MAN1C1: variants seen among roughly 807,000 people sequenced by gnomAD.
MAN1C1 encodes mannosidase alpha class 1C member 1.
A neutral mutation model predicts 71.5 loss-of-function variants in MAN1C1; 49 were observed. The observed-to-expected ratio is 0.69, with a 90% CI of 0.54 to 0.87. The LOEUF is 0.87. Ranked by LOEUF, MAN1C1 falls within the 40% of genes least tolerant of loss-of-function variation. MAN1C1 has a pLI of 0.00. For missense variants in MAN1C1, 743 were observed against 835.0 expected (o/e 0.89, Z 1.36); for synonymous variants, 352 against 343.7 (o/e 1.02, Z -0.27).
At chr1:25,708,661 G>C (rs1275583244) in intron 2 of MAN1C1, among the ~76,000 whole-genome samples, 1 of 152,158 alleles carries the variant, frequency 6.6e-6, no homozygotes, top group Non-Finnish European at 1.5e-5. Context: ...GAGGCAGGCG[G>C]ATCACCTGAG....
chr1:25,642,478 C>G (rs2045551652), intron 1 of MAN1C1, among the ~76,000 whole-genome samples: 1 of 152,224 alleles, frequency 6.6e-6, no homozygotes, highest in Non-Finnish European at 1.5e-5. Flanking sequence ...TCCAGGCCAC[C>G]TCTGGCAGAG....
intron 2 of MAN1C1, among the ~76,000 whole-genome samples, chr1:25,695,555 C>T (rs1193054102): frequency 1.3e-5 from 2 of 152,146 alleles, no homozygotes; most frequent in Non-Finnish European, 2.9e-5. Context: ...GAGCAAAGCA[C>T]GCCTCGAAAT....
chr1:25,677,659 G>A (rs900374433), intron 1 of MAN1C1, among the ~76,000 whole-genome samples: 2 of 151,996 alleles, frequency 1.3e-5, no homozygotes, highest in African/African-American at 4.8e-5. Context: ...ATTAGTGTCT[G>A]TGTCCTGGCC....
intron 2 of MAN1C1, among the ~76,000 whole-genome samples, chr1:25,715,975 C>A (rs558728907): frequency 6.6e-6 from 1 of 152,324 alleles, no homozygotes; most frequent in African/African-American, 2.4e-5. Flanking sequence ...CTGGCTTCCA[C>A]CTTACGGTCC....
chr1:25,743,121 C>A lies in MAN1C1; in HGVS notation c.638-3547C>A, dbSNP rs550459260. Among the ~76,000 whole-genome samples, 196 of 152,330 alleles carry A rather than the reference C, an allele frequency of 1.3e-3. 1 individual carries two copies. Among genetic ancestry groups the A allele is most frequent in the African/African-American group, 4.6e-3 (190 of 41,572 alleles). ...CAGTGCCCTGGTCCAGTGGTCTTAA[C>A]CTCATTTTATAGATGAGAACTTTGA... On this transcript the variant is annotated intron_variant, in intron 2 of 11. Coordinates refer to ENST00000374332, the MANE Select transcript of MAN1C1 (RefSeq NM_020379.4).
intron 2 of MAN1C1, among the ~76,000 whole-genome samples, chr1:25,697,195 C>T (rs1301002894): frequency 6.6e-6 from 1 of 152,104 alleles, no homozygotes; most frequent in African/African-American, 2.4e-5. Context: ...ATCCTCTTTC[C>T]CCCCTTCCCC....
chr1:25,733,507 C>T (rs1012224555), intron 2 of MAN1C1, among the ~76,000 whole-genome samples: 8 of 152,098 alleles, frequency 5.3e-5, no homozygotes, highest in Admixed American at 3.9e-4. Context: ...AGCCTCTGCC[C>T]GAACGCTGCC....
At chr1:25,771,065 C>G (rs1284498419) in intron 7 of MAN1C1, among the ~76,000 whole-genome samples, 1 of 152,182 alleles carries the variant, frequency 6.6e-6, no homozygotes, top group Non-Finnish European at 1.5e-5. Context: ...GGCTGGCCCA[C>G]TGTCCAGCAG....
chr1:25,629,082 A>G (rs2045341992), intron 1 of MAN1C1, among the ~76,000 whole-genome samples: 1 of 152,130 alleles, frequency 6.6e-6, no homozygotes, highest in Admixed American at 6.6e-5. Context: ...TTTTCATGTA[A>G]TGGCTTCTTT....
intron 1 of MAN1C1, among the ~76,000 whole-genome samples, chr1:25,660,404 T>A: frequency 9.3e-6 from 1 of 107,302 alleles, no homozygotes; most frequent in South Asian, 3.2e-4. Flanking sequence ...TCCTTTTTTT[T>A]TTTTTTTTTT....
chr1:25,716,244 G>A (rs148654537), intron 2 of MAN1C1, among the ~76,000 whole-genome samples: 118 of 152,320 alleles, frequency 7.7e-4, no homozygotes, highest in African/African-American at 2.5e-3. Context: ...GAAATTGAAG[G>A]AGAATGGATA....
chr1:25,707,440 A>T (rs561126385), intron 2 of MAN1C1, among the ~76,000 whole-genome samples: 1 of 152,346 alleles, frequency 6.6e-6, no homozygotes, highest in Non-Finnish European at 1.5e-5. Flanking sequence ...TTGCCTCTGA[A>T]GTAACTTGAT....
At chr1:25,708,829 A>T (rs1425688359) in intron 2 of MAN1C1, among the ~76,000 whole-genome samples, 1 of 151,896 alleles carries the variant, frequency 6.6e-6, no homozygotes, top group African/African-American at 2.4e-5. Flanking sequence ...GGTTGCAGTG[A>T]GCTGAGATTG....
chr1:25,757,922 A>G (rs1003768056), intron 5 of MAN1C1, among the ~76,000 whole-genome samples: 1 of 152,206 alleles, frequency 6.6e-6, no homozygotes, highest in African/African-American at 2.4e-5. Flanking sequence ...CGTTTGCAAA[A>G]GGGGCAGCTG....
chr1:25,723,662 G>T (rs1420587838), intron 2 of MAN1C1, among the ~76,000 whole-genome samples: 1 of 152,194 alleles, frequency 6.6e-6, no homozygotes, highest in Non-Finnish European at 1.5e-5. Flanking sequence ...CTTTAACCAC[G>T]ATCTCTGGCT....
chr1:25,679,536 C>T (rs2046116391), intron 1 of MAN1C1, among the ~76,000 whole-genome samples: 2 of 148,670 alleles, frequency 1.3e-5, no homozygotes, highest in South Asian at 2.1e-4. Flanking sequence ...TAACAGCCTC[C>T]AGTAAAATTT....
At position 25,623,303 on chromosome 1, in the gene MAN1C1, A is replaced by G. The variant is rs369109621; in HGVS notation, c.540+4966A>G. On this transcript the variant is annotated intron_variant, in intron 1 of 11. Coordinates refer to ENST00000374332, the MANE Select transcript of MAN1C1 (RefSeq NM_020379.4). ...TGGTTGTGTCTCTGCTTTCATTTCTAGTTGTACCATTTGAGGGAATTAGGC... is the reference window on the plus strand; with the variant it reads ...TGGTTGTGTCTCTGCTTTCATTTCTGGTTGTACCATTTGAGGGAATTAGGC... 3.3e-5 allele frequency among the ~76,000 whole-genome samples: 5 copies of G among 152,222 alleles called. No homozygotes were observed. In the East Asian group the frequency reaches 9.6e-4, roughly 29 times the overall value.
chr1:25,709,030 A>G (rs1390728394), intron 2 of MAN1C1, among the ~76,000 whole-genome samples: 5 of 152,290 alleles, frequency 3.3e-5, no homozygotes, highest in Middle Eastern at 3.4e-3. Flanking sequence ...TGCAGGGATG[A>G]GACACAGCCG....
intron 3 of MAN1C1, among the ~76,000 whole-genome samples, chr1:25,747,497 A>G (rs1021342679): frequency 6.6e-6 from 1 of 152,208 alleles, no homozygotes; most frequent in Non-Finnish European, 1.5e-5. Flanking sequence ...TAAGCAGTGG[A>G]GACCGGGAGG....
Sources: gnomAD v4.1 joint callset for allele counts (sites outside exome capture counted in the v4.1 genomes callset) on GRCh38, gnomAD v4.1.1 for gene constraint, MANE v1.5 for transcripts, NCBI Gene and HGNC (gene_info 2026-07-23, HGNC 2026-07-21) for gene names.